Variants in MALRD1 observed in about 807,000 individuals in gnomAD.
MALRD1 encodes the protein MAM and LDL-receptor class A domain-containing protein 1.
Under a neutral mutation model 242.1 loss-of-function variants are expected in MALRD1, and 247 were observed. The observed-to-expected ratio is 1.02, with a 90% CI of 0.92 to 1.13. The LOEUF (loss-of-function observed/expected upper bound fraction) is 1.13. Among genes scored for constraint, MALRD1 ranks in the 50% most tolerant of loss-of-function variants. MALRD1 has a pLI of 0.00. For missense variants in MALRD1, 2,989 were observed against 2,533.1 expected (o/e 1.18, Z -3.86); for synonymous variants, 995 against 866.6 (o/e 1.15, Z -2.60).
At chr10:19,191,793 T>A (rs920827031) in intron 14 of MALRD1, among the ~76,000 whole-genome samples, 3 of 151,668 alleles carry the variant, frequency 2.0e-5, no homozygotes, top group African/African-American at 4.8e-5. Flanking sequence ...AGGTCAGGAG[T>A]TTGAGACCAG....
chr10:19,277,136 G>T lies in MALRD1; in HGVS notation c.3080-2911G>T. Among the ~76,000 whole-genome samples, 2 of 151,992 alleles carry T rather than the reference G, an allele frequency of 1.3e-5. 1 individual carries two copies. The highest frequency in any genetic ancestry group is 3.9e-4 in the East Asian group (2 of 5,154). On this transcript the variant is annotated intron_variant, in intron 19 of 39. Coordinates refer to ENST00000454679, the MANE Select transcript of MALRD1 (RefSeq NM_001142308.3). ...AGATGAGGTTTCACCATGTTGCCCA[G>T]GCTAGTCTCAAAATCCTGAGTTCAA...
intron 14 of MALRD1, among the ~76,000 whole-genome samples, chr10:19,176,558 T>TA (rs1218379934): frequency 7.3e-5 from 11 of 149,854 alleles, no homozygotes; most frequent in Non-Finnish European, 1.2e-4. Context: ...GTATTTTTAG[T>TA]AGAGACGGGG....
intron 10 of MALRD1, among the ~76,000 whole-genome samples, chr10:19,144,231 C>T (rs562753642): frequency 1.3e-5 from 2 of 152,286 alleles, no homozygotes; most frequent in South Asian, 4.1e-4. Context: ...ATGCTCAAGT[C>T]CCTGGAGAAC....
intron 19 of MALRD1, among the ~76,000 whole-genome samples, chr10:19,258,021 C>A (rs1564508511): frequency 6.6e-6 from 1 of 152,066 alleles, no homozygotes; most frequent in African/African-American, 2.4e-5. Context: ...ACTAGAAAAT[C>A]ATGTCTGAAG....
intron 38 of MALRD1, among the ~76,000 whole-genome samples, chr10:19,695,867 A>G (rs555937290): frequency 6.6e-6 from 1 of 152,174 alleles, no homozygotes; most frequent in Admixed American, 6.5e-5. Flanking sequence ...GAGCTTGTGT[A>G]GGGGAACTCC....
chr10:19,347,949 T>A lies in MALRD1; in HGVS notation c.4080T>A (p.Phe1360Leu), dbSNP rs568389387. 6.5e-7 allele frequency: 1 copy of A among 1,550,256 alleles called. No individual in the cohort carries two copies. Among genetic ancestry groups the A allele is most frequent in the South Asian group, 1.2e-5 (1 of 84,064 alleles). The change falls in exon 25 of 40, where the codon TTT (phenylalanine) becomes TTA (leucine). Residue 1360 changes from phenylalanine to leucine, a missense_variant. Phe to Leu is a conservative substitution (Grantham distance 22). Transcript: ENST00000454679. ...ATTACATCTTTATAAAGAGTTTGTT[T>A]CCTCAGCAGCCCATGAGAGCTGCCA... ...SGHYIFIKSLFPQQPMRAARI... is the reference protein window; with the variant it reads ...SGHYIFIKSLLPQQPMRAARI...
intron 28 of MALRD1, among the ~76,000 whole-genome samples, chr10:19,438,991 A>T (rs1834484878): frequency 2.0e-5 from 3 of 152,258 alleles, no homozygotes; most frequent in South Asian, 2.1e-4. Flanking sequence ...TATCATAGTT[A>T]TGTGTCTCCA....
intron 36 of MALRD1, among the ~76,000 whole-genome samples, chr10:19,626,311 T>C (rs1564494947): frequency 1.3e-5 from 2 of 151,366 alleles, no homozygotes; most frequent in African/African-American, 4.8e-5. Flanking sequence ...TTTTTTTTTT[T>C]TTTAAGTCAG....
intron 36 of MALRD1, among the ~76,000 whole-genome samples, chr10:19,683,626 G>A (rs1842462203): frequency 6.6e-6 from 1 of 152,142 alleles, no homozygotes. Flanking sequence ...TTTGCAGGAT[G>A]AGGCTTAATG....
intron 28 of MALRD1, among the ~76,000 whole-genome samples, chr10:19,418,266 C>T (rs961490638): frequency 1.4e-5 from 2 of 144,102 alleles, no homozygotes; most frequent in Admixed American, 6.7e-5. Context: ...ATGCACCATT[C>T]CCCCCCACGC....
chr10:19,689,220 A>G (rs569017124), intron 36 of MALRD1, among the ~76,000 whole-genome samples: 14 of 152,216 alleles, frequency 9.2e-5, no homozygotes, highest in African/African-American at 3.4e-4. Context: ...CAAAACTGAT[A>G]TATAGATACC....
At chr10:19,115,310 A>C (rs1836832221) in intron 5 of MALRD1, among the ~76,000 whole-genome samples, 1 of 152,164 alleles carries the variant, frequency 6.6e-6, no homozygotes, top group Admixed American at 6.5e-5. Flanking sequence ...AGGTGTCTAG[A>C]GACACCCAAG....
chr10:19,301,696 TCA>T (rs551226091), intron 21 of MALRD1, among the ~76,000 whole-genome samples: 134 of 151,686 alleles, frequency 8.8e-4, no homozygotes, highest in East Asian at 5.7e-3. Context: ...GGAACAACAG[TCA>T]CCGGGACCTT....
intron 18 of MALRD1, among the ~76,000 whole-genome samples, chr10:19,236,422 C>A (rs1014567369): frequency 3.3e-4 from 50 of 152,222 alleles, no homozygotes; most frequent in African/African-American, 9.1e-4. Flanking sequence ...AAAATAAAGC[C>A]CTTTCCTCCT....
Position 19,124,556 on chromosome 10 carries a change from T to G in MALRD1, c.829T>G (p.Cys277Gly). ...GGCCTGTGGGTTTGAATTTGACATG[T>G]GTGAGTGGACGTCAGAAGCATCTGC... ...CQACGFEFDMCEWTSEASAGQ... is the reference protein window; with the variant it reads ...CQACGFEFDMGEWTSEASAGQ... Residue 277 changes from cysteine to glycine, a missense_variant, in exon 7 of 40, where the codon TGT (cysteine) becomes GGT (glycine). Coordinates refer to ENST00000454679, the MANE Select transcript of MALRD1 (RefSeq NM_001142308.3). 2 of 1,233,806 alleles carry G rather than the reference T, an allele frequency of 1.6e-6. No individual in the cohort carries two copies. The highest frequency in any genetic ancestry group is 8.2e-5 in the South Asian group (2 of 24,412). 76.4% of individuals were successfully genotyped at this position (1,233,806 alleles called of 1,614,324 possible). A position where few individuals can be genotyped will look rare whatever the true frequency, so the allele number is the denominator to read the frequency against.
At chr10:19,628,865 C>A (rs538028044) in intron 36 of MALRD1, among the ~76,000 whole-genome samples, 6 of 152,096 alleles carry the variant, frequency 3.9e-5, no homozygotes, top group Non-Finnish European at 8.8e-5. Context: ...AAGTGTCCTG[C>A]GGATGAATGT....
intron 36 of MALRD1, among the ~76,000 whole-genome samples, chr10:19,675,692 T>G (rs187766200): frequency 6.6e-6 from 1 of 152,366 alleles, no homozygotes; most frequent in African/African-American, 2.4e-5. Flanking sequence ...AACCGTAACA[T>G]GTTGTCCAAA....
intron 28 of MALRD1, among the ~76,000 whole-genome samples, chr10:19,419,381 A>T (rs1402026928): frequency 6.6e-6 from 1 of 151,622 alleles, no homozygotes; most frequent in African/African-American, 2.4e-5. Flanking sequence ...TGTAACCTCC[A>T]CCTCCCGGGT....
At chr10:19,272,914 C>G (rs1185432692) in intron 19 of MALRD1, among the ~76,000 whole-genome samples, 1 of 152,120 alleles carries the variant, frequency 6.6e-6, no homozygotes, top group Admixed American at 6.6e-5. Flanking sequence ...GCCACATTTT[C>G]TTTATCCAGT....
Sources: gnomAD v4.1 joint callset for allele counts (sites outside exome capture counted in the v4.1 genomes callset) on GRCh38, gnomAD v4.1.1 for gene constraint, MANE v1.5 for transcripts, NCBI Gene and HGNC (gene_info 2026-07-23, HGNC 2026-07-21) for gene names.